SHQ1: variants seen among roughly 807,000 people sequenced by gnomAD.
SHQ1 encodes protein SHQ1 homolog.
In SHQ1, 49 loss-of-function variants were observed where a neutral mutation model predicts 53.8. The observed-to-expected ratio is 0.91, with a 90% confidence interval of 0.72 to 1.16. SHQ1 has a LOEUF of 1.16. Among genes scored for constraint, SHQ1 ranks in the 50% most tolerant of loss-of-function variants. SHQ1 has a pLI of 0.00. For missense variants in SHQ1, 738 were observed against 683.1 expected (o/e 1.08, Z -0.90); for synonymous variants, 243 against 251.0 (o/e 0.97, Z 0.30).
intron 10 of SHQ1, among the ~76,000 whole-genome samples, chr3:72,765,557 A>ATATATATATATTTTTTTTT (rs1491527508): frequency 1.7e-5 from 1 of 57,188 alleles, no homozygotes; most frequent in African/African-American, 7.9e-5. Flanking sequence ...ATATATATAT[A>ATATATATATATTTTTTTTT]TTTTTTTTTT....
At chr3:72,762,758 T>A (rs1294302779) in intron 10 of SHQ1, among the ~76,000 whole-genome samples, 1 of 152,146 alleles carries the variant, frequency 6.6e-6, no homozygotes, top group Non-Finnish European at 1.5e-5. Flanking sequence ...CACTGCAACC[T>A]CTGCCTCCTA....
rs919209802 is a variant in SHQ1 at position 72,829,154 on chromosome 3, T to C, written c.599+3215A>G. On this transcript the variant is annotated intron_variant, in intron 5 of 10. Coordinates refer to ENST00000325599, the MANE Select transcript of SHQ1 (RefSeq NM_018130.3). The stretch of plus-strand genomic sequence containing the variant: ...ATCCCCGCTTTCTAACCTGGGTGAA[T>C]AGAGTGAAAAATGGGGCATCAATCA... Among the ~76,000 whole-genome samples, 13 of 151,970 alleles carry C rather than the reference T, an allele frequency of 8.6e-5. No individual in the cohort carries two copies. The East Asian group carries it at 2.1e-3, about 25-fold the overall frequency.
chr3:72,762,012 C>T (rs1314294424), intron 10 of SHQ1, among the ~76,000 whole-genome samples: 3 of 152,126 alleles, frequency 2.0e-5, no homozygotes, highest in African/African-American at 7.2e-5. Context: ...GAGACAGGCT[C>T]TAGCTCCAGC....
intron 9 of SHQ1, among the ~76,000 whole-genome samples, chr3:72,797,896 T>C (rs1164319469): frequency 6.6e-6 from 1 of 152,078 alleles, no homozygotes; most frequent in East Asian, 1.9e-4. Flanking sequence ...GCTGGGCTTT[T>C]TTTTTCAGTC....
chr3:72,811,120 A>C (rs980317363), intron 9 of SHQ1, among the ~76,000 whole-genome samples: 4 of 152,218 alleles, frequency 2.6e-5, no homozygotes, highest in African/African-American at 4.8e-5. Context: ...ATGAAAGTCA[A>C]AAGAACTAGA....
the SHQ1 span, among the ~76,000 whole-genome samples, chr3:72,739,728 G>A: frequency 2.0e-5 from 3 of 152,214 alleles, no homozygotes; most frequent in Non-Finnish European, 2.9e-5. Context: ...AGCCAAGATA[G>A]AATTAGAAGT....
At chr3:72,833,483 T>C (rs920132257) in intron 4 of SHQ1, among the ~76,000 whole-genome samples, 21 of 88,574 alleles carry the variant, frequency 2.4e-4, no homozygotes, top group Non-Finnish European at 2.7e-4. Flanking sequence ...GATAGATAGA[T>C]AGATAGATAG....
the SHQ1 span, among the ~76,000 whole-genome samples, chr3:72,727,615 A>G: frequency 6.6e-6 from 1 of 152,138 alleles, no homozygotes; most frequent in Non-Finnish European, 1.5e-5. Flanking sequence ...TTGTTTTCAG[A>G]AGCGTTTTGT....
At chr3:72,756,285 T>C (rs1409035247) in intron 10 of SHQ1, among the ~76,000 whole-genome samples, 2 of 152,212 alleles carry the variant, frequency 1.3e-5, no homozygotes, top group African/African-American at 4.8e-5. Context: ...TAGGTTTTTC[T>C]TGAGACAGAC....
At chr3:72,818,138 C>T (rs914152160) in intron 6 of SHQ1, among the ~76,000 whole-genome samples, 4 of 151,836 alleles carry the variant, frequency 2.6e-5, no homozygotes, top group African/African-American at 9.7e-5. Context: ...CTTCCTACAC[C>T]CTCCCTCAAC....
At chr3:72,771,830 A>T (rs368542619) in intron 10 of SHQ1, among the ~76,000 whole-genome samples, 1 of 152,250 alleles carries the variant, frequency 6.6e-6, no homozygotes, top group East Asian at 1.9e-4. Flanking sequence ...CTTACTCTAT[A>T]TGGGTCCAGA....
At chr3:72,747,913 CGA>C (rs1448848909), downstream of SHQ1, among the ~76,000 whole-genome samples, 3 of 151,752 alleles carry the variant, frequency 2.0e-5, no homozygotes, top group Non-Finnish European at 4.4e-5. Context: ...CACTTGAACC[CGA>C]GAGACAGAGG....
At chr3:72,798,774 G>A (rs547404384) in intron 9 of SHQ1, among the ~76,000 whole-genome samples, 1 of 152,366 alleles carries the variant, frequency 6.6e-6, no homozygotes, top group East Asian at 1.9e-4. Flanking sequence ...ATCTCTAGGA[G>A]ATGATCAGGG....
chr3:72,833,691 T>C (rs575688201), intron 4 of SHQ1, among the ~76,000 whole-genome samples: 1 of 152,370 alleles, frequency 6.6e-6, no homozygotes, highest in Non-Finnish European at 1.5e-5. Flanking sequence ...CATACTGATA[T>C]GGAACATGTT....
chr3:72,822,993 C>T (rs1378275071), intron 6 of SHQ1, among the ~76,000 whole-genome samples: 1 of 151,846 alleles, frequency 6.6e-6, no homozygotes, highest in African/African-American at 2.4e-5. Flanking sequence ...AGTAAAAACA[C>T]AAAAAATTAG....
intron 10 of SHQ1, among the ~76,000 whole-genome samples, chr3:72,776,087 C>T (rs1360994957): frequency 2.0e-5 from 3 of 152,162 alleles, no homozygotes; most frequent in Non-Finnish European, 4.4e-5. Context: ...AGAAACCAAA[C>T]TGTCATTACT....
chr3:72,738,822 G>C, the SHQ1 span, among the ~76,000 whole-genome samples: 1 of 152,190 alleles, frequency 6.6e-6, no homozygotes, highest in African/African-American at 2.4e-5. Context: ...CCTGCCGCTG[G>C]GAGACCCTCC....
intron 9 of SHQ1, among the ~76,000 whole-genome samples, chr3:72,808,719 T>C (rs1707030538): frequency 6.6e-6 from 1 of 152,126 alleles, no homozygotes; most frequent in Non-Finnish European, 1.5e-5. Context: ...GCCTCTTCAG[T>C]GGCAATAATG....
chr3:72,804,330 T>C (rs1470311394), intron 9 of SHQ1, among the ~76,000 whole-genome samples: 1 of 152,128 alleles, frequency 6.6e-6, no homozygotes, highest in Admixed American at 6.5e-5. Context: ...TGTGTCATGG[T>C]GGTTTACTGC....
Sources: allele counts gnomAD v4.1 joint callset (sites outside exome capture counted in the v4.1 genomes callset), GRCh38; gene constraint gnomAD v4.1.1; transcripts MANE v1.5; gene names NCBI Gene and HGNC (gene_info 2026-07-23, HGNC 2026-07-21).